The following DSCAML1 variants were observed in gnomAD, a reference collection of about 807,000 sequenced individuals.
DSCAML1 encodes cell adhesion molecule DSCAML1.
In DSCAML1, 38 loss-of-function variants were observed where a neutral mutation model predicts 200.5. The observed-to-expected ratio is 0.19, with a 90% CI of 0.15 to 0.25. The LOEUF (loss-of-function observed/expected upper bound fraction) is 0.25. Among genes scored for constraint, DSCAML1 ranks in the 10% least tolerant of loss-of-function variants. The probability of loss-of-function intolerance (pLI) is 1.00; values close to 1 mark genes in which losing one functional copy is unlikely to be tolerated. For synonymous variants in DSCAML1, 1,215 were observed against 1,165.0 expected, an observed-to-expected ratio of 1.04 and a Z score of -0.87; for missense variants, 2,223 against 2,858.8, an observed-to-expected ratio of 0.78 and a Z score of 5.07.
intron 3 of DSCAML1, among the ~76,000 whole-genome samples, chr11:117,584,710 G>A (rs1274074804): frequency 6.6e-6 from 1 of 152,218 alleles, no homozygotes; most frequent in Non-Finnish European, 1.5e-5. Flanking sequence ...CCAAGTTGAA[G>A]TGGACACTTG....
intron 3 of DSCAML1, among the ~76,000 whole-genome samples, chr11:117,655,194 C>T (rs1271416578): frequency 6.6e-6 from 1 of 152,248 alleles, no homozygotes; most frequent in Non-Finnish European, 1.5e-5. Flanking sequence ...GGGGGAACCA[C>T]ACCAGCAGGC....
intron 3 of DSCAML1, among the ~76,000 whole-genome samples, chr11:117,740,346 T>C (rs2137838486): frequency 6.6e-6 from 1 of 152,304 alleles, no homozygotes; most frequent in East Asian, 1.9e-4. Flanking sequence ...GTTCATACTC[T>C]TTCCCCATTA....
intron 3 of DSCAML1, among the ~76,000 whole-genome samples, chr11:117,711,544 G>A (rs1414093019): frequency 6.6e-6 from 1 of 152,152 alleles, no homozygotes; most frequent in East Asian, 1.9e-4. Flanking sequence ...TGGCACCGGG[G>A]ACATGTCTGG....
At chr11:117,587,253 A>AACCC (rs1555187498) in intron 3 of DSCAML1, among the ~76,000 whole-genome samples, 3 of 137,792 alleles carry the variant, frequency 2.2e-5, no homozygotes, top group Non-Finnish European at 4.6e-5. Flanking sequence ...ATTCTTTCCA[A>AACCC]CCCCCCCCCA....
At chr11:117,738,430 C>T (rs1172105367) in intron 3 of DSCAML1, among the ~76,000 whole-genome samples, 7 of 151,942 alleles carry the variant, frequency 4.6e-5, no homozygotes, top group Non-Finnish European at 8.8e-5. Context: ...ACCCCTCTGG[C>T]TGACGTCAGC....
intron 11 of DSCAML1, among the ~76,000 whole-genome samples, chr11:117,487,244 ACTAT>A (rs760841202): frequency 2.6e-5 from 4 of 151,974 alleles, no homozygotes; most frequent in African/African-American, 9.7e-5. Flanking sequence ...TTTTATATTG[ACTAT>A]CTGTTAATAT....
intron 3 of DSCAML1, among the ~76,000 whole-genome samples, chr11:117,634,144 CA>C (rs1294652844): frequency 1.3e-5 from 2 of 152,204 alleles, no homozygotes; most frequent in African/African-American, 4.8e-5. Context: ...ACCGGACTGT[CA>C]CGGAGCATCA....
intron 12 of DSCAML1, 84 bp from the exon 13 acceptor site, chr11:117,481,354 G>A: frequency 7.3e-7 from 1 of 1,369,076 alleles, no homozygotes; most frequent in Non-Finnish European, 1.0e-6. Flanking sequence ...TCACTCCAGG[G>A]CTCTCAGCAA....
chr11:117,528,516 G>A (rs2050019246), intron 4 of DSCAML1, among the ~76,000 whole-genome samples: 1 of 152,204 alleles, frequency 6.6e-6, no homozygotes, highest in African/African-American at 2.4e-5. Flanking sequence ...TGCTGGGGGT[G>A]CACTGGAGCT....
At chr11:117,609,940 G>A (rs934449174) in intron 3 of DSCAML1, among the ~76,000 whole-genome samples, 6 of 152,066 alleles carry the variant, frequency 3.9e-5, no homozygotes, top group Admixed American at 2.6e-4. Flanking sequence ...CTGCAGAACT[G>A]GCCTTGCCCC....
chr11:117,481,976 A>G lies in DSCAML1; in HGVS notation c.2546T>C (p.Val849Ala). 1.2e-6 allele frequency: 2 copies of G among 1,613,958 alleles called. No homozygotes were observed. Among genetic ancestry groups the G allele is most frequent in the Non-Finnish European group, 1.7e-6 (2 of 1,179,960 alleles). ...GGGGGTGCTCACCTTCAGTGTGGAG[A>G]CGACCTCGTCGCCGTTGTCCTTGGT... The part of the protein sequence containing the change: ...IATKDNGDEV[V>A]STLKLKPADR... Residue 849 changes from valine to alanine, a missense_variant, in exon 12 of 33, where the codon GTC becomes GCC. Physicochemically the swap from Val to Ala is moderately conservative, Grantham distance 64 (BLOSUM62 0). This residue lies in a region of DSCAML1 where 438 missense variants were observed against 629.7 expected (regional missense o/e 0.70). Transcript: ENST00000651296.
At chr11:117,770,056 C>T (rs2055009226) in intron 3 of DSCAML1, among the ~76,000 whole-genome samples, 1 of 152,182 alleles carries the variant, frequency 6.6e-6, no homozygotes, top group Non-Finnish European at 1.5e-5. Context: ...CTCTCTCTGC[C>T]CTTCTGACCT....
chr11:117,654,081 A>T (rs1345112157), intron 3 of DSCAML1, among the ~76,000 whole-genome samples: 1 of 152,240 alleles, frequency 6.6e-6, no homozygotes, highest in African/African-American at 2.4e-5. Context: ...TAAGTGAAAG[A>T]AGTCAGACGT....
chr11:117,703,347 T>C (rs7126179), intron 3 of DSCAML1, among the ~76,000 whole-genome samples: 8,534 of 152,242 alleles, frequency 0.056, 582 homozygotes, highest in African/African-American at 0.17. Flanking sequence ...TGGAATTCTT[T>C]TGTCTGCTCT....
intron 3 of DSCAML1, among the ~76,000 whole-genome samples, chr11:117,557,419 C>A (rs946913508): frequency 6.6e-6 from 1 of 152,162 alleles, no homozygotes; most frequent in Non-Finnish European, 1.5e-5. Flanking sequence ...AGCCCCCCTC[C>A]TGACCACCGT....
Position 117,482,180 on chromosome 11 carries a change from AGAAGGCCCAGT to A in DSCAML1, c.2360-29_2360-19del. The A allele has an allele frequency of 6.2e-7, 1 of 1,613,548 alleles. No homozygotes were observed. Among genetic ancestry groups the A allele is most frequent in the South Asian group, 1.1e-5 (1 of 90,978 alleles). On this transcript the variant is annotated intron_variant, in intron 11 of 32. Coordinates refer to ENST00000651296, the MANE Select transcript of DSCAML1 (RefSeq NM_020693.4). ...GGCCGGGACTGGGGGGCGGAGGCAG[AGAAGGCCCAGT>A]GAAGGTCGGGAGACCAGCCTGGAGG...
chr11:117,477,074 A>G (rs573939888), intron 14 of DSCAML1, among the ~76,000 whole-genome samples: 1 of 152,194 alleles, frequency 6.6e-6, no homozygotes, highest in South Asian at 2.1e-4. Flanking sequence ...ATACATAAGG[A>G]GATGCCCAAA....
chr11:117,748,236 C>T (rs1347493465), intron 3 of DSCAML1, among the ~76,000 whole-genome samples: 11 of 152,194 alleles, frequency 7.2e-5, no homozygotes, highest in African/African-American at 2.4e-4. Context: ...ATTCTCTCTC[C>T]CTGCCCTGGA....
intron 3 of DSCAML1, among the ~76,000 whole-genome samples, chr11:117,756,918 T>C (rs1474603619): frequency 6.6e-6 from 1 of 152,116 alleles, no homozygotes; most frequent in African/African-American, 2.4e-5. Flanking sequence ...CTAGGTGGGA[T>C]TGCTGTAGAA....
Sources: allele counts gnomAD v4.1 joint callset (sites outside exome capture counted in the v4.1 genomes callset), GRCh38; gene constraint gnomAD v4.1.1; regional missense constraint gnomAD v4.1.1; transcripts MANE v1.5; gene names NCBI Gene and HGNC (gene_info 2026-07-23, HGNC 2026-07-21).